Variants in ABCA12 observed in about 807,000 individuals in gnomAD.
ABCA12 encodes the protein glucosylceramide transporter ABCA12.
ABCA12 carries 156 observed loss-of-function variants against 293.5 expected under a neutral mutation model. That is an observed-to-expected ratio of 0.53 (90% CI 0.47 to 0.61). The LOEUF is 0.61. ABCA12 is among the 20% of genes least tolerant of loss of function. The pLI, the probability that ABCA12 is intolerant of heterozygous loss-of-function variation, is 0.00. For missense variants in ABCA12, 2,797 were observed against 3,090.2 expected (o/e 0.91, Z 2.25); for synonymous variants, 1,063 against 1,108.0 (o/e 0.96, Z 0.81).
chr2:215,085,995 A>G (rs1702030631), intron 2 of ABCA12, among the ~76,000 whole-genome samples: 1 of 152,188 alleles, frequency 6.6e-6, no homozygotes, highest in African/African-American at 2.4e-5. Context: ...CCAGACAATG[A>G]CAGAGGGGAA....
chr2:214,932,457 A>C lies in ABCA12; in HGVS notation c.*177T>G, dbSNP rs1482626755. The C allele has an allele frequency of 8.1e-6, 5 of 618,542 alleles. No homozygotes were observed. The highest frequency in any genetic ancestry group is 1.4e-5 in the Non-Finnish European group (5 of 347,928). 38.3% of individuals were successfully genotyped at this position (618,542 alleles called of 1,614,324 possible). On this transcript the variant is annotated 3_prime_UTR_variant, in exon 53 of 53. Coordinates refer to ENST00000272895, the MANE Select transcript of ABCA12 (RefSeq NM_173076.3). ...ATTTCAGTAGCAACAACACTCACTG[A>C]CCTTAGAAGGAAAAATTTCCTTTTA... is the stretch of plus-strand genomic sequence containing the variant.
intron 3 of ABCA12, 128 bp from the exon 4 acceptor site, chr2:215,054,792 A>G (rs1701388532): frequency 1.4e-6 from 1 of 697,500 alleles, no homozygotes; most frequent in Admixed American, 2.2e-5. Flanking sequence ...CCAGGATTTT[A>G]ATGGAAGAAT....
rs140586585 is a variant in ABCA12 at position 215,102,967 on chromosome 2, C to T, written c.163+8630G>A. 4.0e-4 allele frequency among the ~76,000 whole-genome samples: 61 copies of T among 152,278 alleles called. No homozygotes were observed. The East Asian group carries it at 0.012, about 29-fold the overall frequency. On this transcript the variant is annotated intron_variant, in intron 2 of 52. Transcript: ENST00000272895. ...TGATTTTGTAAAATTCTCTCTTGAA[C>T]AATTATTGATCTTGATCACTGAGTT...
At chr2:214,978,254 G>A (rs966824354) in intron 33 of ABCA12, 62 bp downstream of exon 33, 2 of 1,582,912 alleles carry the variant, frequency 1.3e-6, no homozygotes, top group Non-Finnish European at 1.7e-6. Context: ...AAGTCTGTCT[G>A]TGATTTTTCT....
chr2:215,062,092 C>T (rs1701539297), intron 3 of ABCA12, among the ~76,000 whole-genome samples: 1 of 152,044 alleles, frequency 6.6e-6, no homozygotes, highest in Admixed American at 6.6e-5. Context: ...ATTACCCTAG[C>T]TGAAAGCTCT....
chr2:215,085,869 A>G (rs1575034217), intron 2 of ABCA12, among the ~76,000 whole-genome samples: 1 of 152,218 alleles, frequency 6.6e-6, no homozygotes, highest in Non-Finnish European at 1.5e-5. Context: ...TTGAAGAGTC[A>G]AATAATGTTA....
chr2:215,105,402 C>T (rs1381916100), intron 2 of ABCA12, among the ~76,000 whole-genome samples: 1 of 152,080 alleles, frequency 6.6e-6, no homozygotes, highest in Non-Finnish European at 1.5e-5. Flanking sequence ...CAGACACCTC[C>T]TCCTTAAGCA....
intron 7 of ABCA12, among the ~76,000 whole-genome samples, chr2:215,041,090 TATATGAAGGAAATGTATATGTTAA>T (rs1051226517): frequency 1.3e-5 from 2 of 152,090 alleles, no homozygotes; most frequent in Non-Finnish European, 2.9e-5. Flanking sequence ...AAAAAATAAG[TATATGAAGGAAATGTATATGTTAA>T]ATAGCTTGAT....
At chr2:214,935,770 C>A (rs1698199814) in intron 51 of ABCA12, among the ~76,000 whole-genome samples, 1 of 152,068 alleles carries the variant, frequency 6.6e-6, no homozygotes, top group African/African-American at 2.4e-5. Flanking sequence ...GCACTCCAGC[C>A]TGGGCAACAT....
At chr2:215,010,190 C>G in intron 18 of ABCA12, 141 bp downstream of exon 18, 1 of 1,095,192 alleles carries the variant, frequency 9.1e-7, no homozygotes, top group Non-Finnish European at 1.3e-6. Context: ...GAGAATTTTA[C>G]TAATAGTTTC....
At chr2:214,945,482 G>A (rs1290363302) in intron 48 of ABCA12, among the ~76,000 whole-genome samples, 1 of 152,204 alleles carries the variant, frequency 6.6e-6, no homozygotes, top group Non-Finnish European at 1.5e-5. Context: ...TTGTGGCTAT[G>A]AGTGATAATA....
intron 1 of ABCA12, among the ~76,000 whole-genome samples, chr2:215,133,950 A>T (rs534546211): frequency 6.6e-6 from 1 of 152,236 alleles, no homozygotes; most frequent in East Asian, 1.9e-4. Context: ...TGAGCTTTAA[A>T]TTTGCTGTGT....
At chr2:214,970,432 C>G (rs1324658749) in intron 36 of ABCA12, 32 bp from the exon 37 acceptor site, 1 of 1,611,488 alleles carries the variant, frequency 6.2e-7, no homozygotes, top group Admixed American at 1.7e-5. Flanking sequence ...GAATTTTTTT[C>G]TGGCCAATGC....
intron 13 of ABCA12, among the ~76,000 whole-genome samples, chr2:215,018,642 T>C (rs1700558106): frequency 6.6e-6 from 1 of 152,242 alleles, no homozygotes; most frequent in Non-Finnish European, 1.5e-5. Flanking sequence ...AAATAGAACG[T>C]GTTTAACTTC....
At chr2:215,042,832 A>T (rs1051163930) in intron 7 of ABCA12, among the ~76,000 whole-genome samples, 30 of 152,132 alleles carry the variant, frequency 2.0e-4, no homozygotes, top group Non-Finnish European at 3.1e-4. Flanking sequence ...CTACCCCTTG[A>T]TCAACCTTCC....
At chr2:215,008,863 T>C (rs939385330) in intron 18 of ABCA12, among the ~76,000 whole-genome samples, 2 of 152,154 alleles carry the variant, frequency 1.3e-5, no homozygotes, top group African/African-American at 2.4e-5. Flanking sequence ...GGAACACTTA[T>C]ACATTGTTGG....
chr2:215,136,197 A>T (rs1458642362), intron 1 of ABCA12, among the ~76,000 whole-genome samples: 1 of 152,244 alleles, frequency 6.6e-6, no homozygotes, highest in Non-Finnish European at 1.5e-5. Flanking sequence ...TAGGAAAAGT[A>T]TAGTTACCAG....
intron 3 of ABCA12, among the ~76,000 whole-genome samples, chr2:215,058,494 T>C (rs1446645472): frequency 2.0e-5 from 3 of 151,984 alleles, no homozygotes; most frequent in Non-Finnish European, 2.9e-5. Flanking sequence ...TCCAAGGAAG[T>C]CTCAGAGACT....
chr2:214,972,961 G>C (rs974257713), intron 36 of ABCA12, among the ~76,000 whole-genome samples: 5 of 151,874 alleles, frequency 3.3e-5, no homozygotes, highest in African/African-American at 1.2e-4. Flanking sequence ...CCACAGACGC[G>C]TGTCACCATG....
Sources: gnomAD v4.1 joint callset for allele counts (sites outside exome capture counted in the v4.1 genomes callset) on GRCh38, gnomAD v4.1.1 for gene constraint, MANE v1.5 for transcripts, NCBI Gene and HGNC (gene_info 2026-07-23, HGNC 2026-07-21) for gene names.